Variants in ANXA8 observed in about 807,000 individuals in gnomAD.
The protein encoded by ANXA8 is VAC-beta.
A neutral mutation model predicts 26.8 loss-of-function variants in ANXA8; 9 were observed. The observed-to-expected ratio is 0.34, with a 90% CI of 0.20 to 0.59. The LOEUF is 0.59. Among genes scored for constraint, ANXA8 ranks in the 20% least tolerant of loss-of-function variants. The pLI is 0.84. For synonymous variants in ANXA8, 39 were observed against 94.8 expected (o/e 0.41, Z 3.42); for missense variants, 83 against 238.5 (o/e 0.35, Z 4.29).
chr10:47,961,286 G>T, the ANXA8 span, among the ~76,000 whole-genome samples: 2 of 149,558 alleles, frequency 1.3e-5, no homozygotes, highest in Non-Finnish European at 3.0e-5. Context: ...AGGATGGGGA[G>T]GATATCACCC....
chr10:47,577,242 A>C, the ANXA8 span, among the ~76,000 whole-genome samples: 8 of 118,458 alleles, frequency 6.8e-5, no homozygotes, highest in African/African-American at 2.2e-4. Context: ...AAAAAAAAAA[A>C]ACAGGGTTGG....
chr10:47,651,017 G>C, the ANXA8 span, among the ~76,000 whole-genome samples: 4 of 150,994 alleles, frequency 2.6e-5, no homozygotes, highest in Admixed American at 2.0e-4. Flanking sequence ...AAGATCACTT[G>C]AGCCCAGAAG....
the ANXA8 span, chr10:47,502,657 C>A: frequency 6.2e-7 from 1 of 1,608,268 alleles, no homozygotes; most frequent in Non-Finnish European, 8.5e-7. Flanking sequence ...CAAGTTCAAA[C>A]TGGCCCACTT....
the ANXA8 span, among the ~76,000 whole-genome samples, chr10:47,713,866 A>G: frequency 0.44 from 21 of 48 alleles, 1 homozygote; most frequent in Non-Finnish European, 0.55. Flanking sequence ...ACTTATCATA[A>G]CTATGTATAA....
upstream of ANXA8, among the ~76,000 whole-genome samples, chr10:47,488,531 G>A (rs1840085776): frequency 2.6e-5 from 4 of 151,400 alleles, no homozygotes; most frequent in Non-Finnish European, 1.5e-5. Flanking sequence ...TATAAGAGCA[G>A]CCTGAGCTAA....
chr10:47,497,527 T>G, the ANXA8 span, among the ~76,000 whole-genome samples: 3 of 141,918 alleles, frequency 2.1e-5, no homozygotes, highest in East Asian at 4.5e-4. Context: ...GCTGAGGCAG[T>G]AGAATTGCTT....
At chr10:47,744,439 A>AGGGGGG in the ANXA8 span, among the ~76,000 whole-genome samples, 3 of 23,786 alleles carry the variant, frequency 1.3e-4, no homozygotes, top group African/African-American at 3.8e-4. Flanking sequence ...GGAGGGGGGA[A>AGGGGGG]GAGGGGGGGC....
the ANXA8 span, among the ~76,000 whole-genome samples, chr10:47,698,797 C>T: frequency 6.6e-6 from 1 of 152,102 alleles, no homozygotes; most frequent in Non-Finnish European, 1.5e-5. Context: ...CACAGCACTT[C>T]TGCCTGGGTG....
At chr10:47,660,764 C>T in the ANXA8 span, among the ~76,000 whole-genome samples, 1 of 128,520 alleles carries the variant, frequency 7.8e-6, no homozygotes, top group Non-Finnish European at 1.6e-5. Flanking sequence ...TTGCATTTGG[C>T]GTGGCTTTTT....
chr10:47,707,961 A>C, the ANXA8 span, among the ~76,000 whole-genome samples: 1 of 136,136 alleles, frequency 7.3e-6, no homozygotes, highest in African/African-American at 2.5e-5. Context: ...AAAGTCATGC[A>C]ATCAACCTAG....
upstream of ANXA8, among the ~76,000 whole-genome samples, chr10:47,486,863 C>T (rs1230450676): frequency 6.9e-6 from 1 of 145,504 alleles, no homozygotes; most frequent in Non-Finnish European, 1.5e-5. Context: ...GTCCAAGCTA[C>T]TTGGGAGGCT....
chr10:47,696,285 T>G, the ANXA8 span: 1 of 409,360 alleles, frequency 2.4e-6, no homozygotes. Flanking sequence ...ATTTAACCTA[T>G]TTGATCTCTA....
chr10:47,528,348 G>T, the ANXA8 span, among the ~76,000 whole-genome samples: 1 of 137,182 alleles, frequency 7.3e-6, no homozygotes, highest in South Asian at 2.3e-4. Flanking sequence ...CAAAGTCTGG[G>T]ATTACAGGCG....
the ANXA8 span, among the ~76,000 whole-genome samples, chr10:47,683,428 C>T: frequency 6.6e-6 from 1 of 151,768 alleles, no homozygotes. Flanking sequence ...CGGGGTTTCA[C>T]CCTTTTAGCC....
chr10:47,705,805 T>G, the ANXA8 span, among the ~76,000 whole-genome samples: 1 of 151,950 alleles, frequency 6.6e-6, no homozygotes, highest in Non-Finnish European at 1.5e-5. Context: ...GTTGTTTTCC[T>G]TCTGAAAGAG....
the ANXA8 span, among the ~76,000 whole-genome samples, chr10:47,626,070 C>T: frequency 1.3e-5 from 2 of 150,398 alleles, no homozygotes; most frequent in Non-Finnish European, 2.9e-5. Context: ...AGCCCATTAA[C>T]CTTTTATAGA....
chr10:47,549,119 TTAATA>T, the ANXA8 span, among the ~76,000 whole-genome samples: 1 of 151,940 alleles, frequency 6.6e-6, no homozygotes, highest in Non-Finnish European at 1.5e-5. Context: ...ATTTGTATTA[TTAATA>T]TGACAACATT....
At chr10:47,894,726 T>C in the ANXA8 span, among the ~76,000 whole-genome samples, 1 of 150,010 alleles carries the variant, frequency 6.7e-6, no homozygotes, top group Non-Finnish European at 1.5e-5. Context: ...GTACACCCTA[T>C]ACACATACCA....
At chr10:47,733,219 T>C in the ANXA8 span, among the ~76,000 whole-genome samples, 1,237 of 67,016 alleles carry the variant, frequency 0.018, 8 homozygotes, top group East Asian at 0.031. Context: ...CTTTCTTTCT[T>C]TCTCTTTCTT....
Sources: allele counts gnomAD v4.1 joint callset (sites outside exome capture counted in the v4.1 genomes callset), GRCh38; gene constraint gnomAD v4.1.1; transcripts MANE v1.5; gene names NCBI Gene and HGNC (gene_info 2026-07-23, HGNC 2026-07-21).